PSD3: variants seen among roughly 807,000 people sequenced by gnomAD.
PSD3 encodes PH and SEC7 domain-containing protein 3.
PSD3 carries 49 observed loss-of-function variants against 105.5 expected under a neutral mutation model. That is an observed-to-expected ratio of 0.46 (90% CI 0.37 to 0.59). PSD3 has a LOEUF of 0.59. Ranked by LOEUF, PSD3 falls within the 20% of genes least tolerant of loss-of-function variation. The probability of loss-of-function intolerance (pLI) is 0.00; values close to 1 mark genes in which losing one functional copy is unlikely to be tolerated. For missense variants in PSD3, 1,561 were observed against 1,263.8 expected (o/e 1.24, Z -3.57); for synonymous variants, 557 against 457.8 (o/e 1.22, Z -2.77).
At chr8:18,548,152 T>G (rs1358702415) in intron 15 of PSD3, among the ~76,000 whole-genome samples, 1 of 152,132 alleles carries the variant, frequency 6.6e-6, no homozygotes, top group Non-Finnish European at 1.5e-5. Context: ...CAGAATTTGT[T>G]TGGGTTGTTA....
chr8:18,719,313 C>A (rs924557825), intron 9 of PSD3, among the ~76,000 whole-genome samples: 1 of 152,144 alleles, frequency 6.6e-6, no homozygotes, highest in Admixed American at 6.5e-5. Context: ...TTTTAAAAAT[C>A]TGAAACTGAG....
chr8:18,577,254 A>G (rs921603544), intron 12 of PSD3, among the ~76,000 whole-genome samples: 2 of 152,056 alleles, frequency 1.3e-5, no homozygotes, highest in African/African-American at 2.4e-5. Context: ...TTATTGGCTT[A>G]TGACCAGAGA....
chr8:18,864,058 G>A (rs1163170056), intron 4 of PSD3, among the ~76,000 whole-genome samples: 2 of 152,162 alleles, frequency 1.3e-5, no homozygotes, highest in African/African-American at 4.8e-5. Context: ...AATCTTTAAT[G>A]ACAAAGTAAA....
chr8:19,037,621 C>T (rs1461719265), intron 1 of PSD3, among the ~76,000 whole-genome samples: 1 of 152,096 alleles, frequency 6.6e-6, no homozygotes, highest in Non-Finnish European at 1.5e-5. Flanking sequence ...TTGGTGAGGG[C>T]CTGAAGAGAA....
Position 18,931,441 on chromosome 8 carries a change from T to C in PSD3, c.130+4593A>G, listed in dbSNP as rs1821742684. ...CAAGCACCTTAGTTATTCATACTTATGACCATAAATCATCATAAAGAGAAA... is the reference window on the plus strand; with the variant it reads ...CAAGCACCTTAGTTATTCATACTTACGACCATAAATCATCATAAAGAGAAA... On this transcript the variant is annotated intron_variant, in intron 2 of 15. Coordinates refer to ENST00000327040, the MANE Select transcript of PSD3 (RefSeq NM_015310.4). Among the ~76,000 whole-genome samples the C allele has an allele frequency of 2.6e-5, 4 of 152,236 alleles. No homozygotes were observed. The South Asian group carries it at 8.3e-4, about 32-fold the overall frequency.
At position 18,630,580 on chromosome 8, in the gene PSD3, C is replaced by G. The variant is rs2130759256; in HGVS notation, c.2410+2033G>C. On this transcript the variant is annotated intron_variant, in intron 11 of 15. Coordinates refer to ENST00000327040, the MANE Select transcript of PSD3 (RefSeq NM_015310.4). ...TGGGTTAACTGTGCTATATACCTGT[C>G]TAGCAGGAAGTAGTAAATACTCCGA... Among the ~76,000 whole-genome samples the G allele has an allele frequency of 1.3e-5, 2 of 151,904 alleles. 1 individual carries two copies.
At chr8:18,947,626 G>A (rs1315854986) in intron 1 of PSD3, among the ~76,000 whole-genome samples, 1 of 152,212 alleles carries the variant, frequency 6.6e-6, no homozygotes, top group Non-Finnish European at 1.5e-5. Flanking sequence ...ACATGTGAAG[G>A]CAGAGGAAAG....
At chr8:18,576,625 T>C (rs1030152145) in intron 12 of PSD3, among the ~76,000 whole-genome samples, 1 of 152,164 alleles carries the variant, frequency 6.6e-6, no homozygotes, top group African/African-American at 2.4e-5. Context: ...AGTAGGAATT[T>C]CAACTAGAGG....
chr8:18,790,401 C>G (rs1404127033), intron 8 of PSD3, among the ~76,000 whole-genome samples: 1 of 149,324 alleles, frequency 6.7e-6, no homozygotes, highest in Non-Finnish European at 1.5e-5. Context: ...TTCCAAGGTT[C>G]ATGCCATTCT....
chr8:18,700,464 G>T lies in PSD3; in HGVS notation c.2173-44779C>A, dbSNP rs567301275. Reference sequence around the variant, plus strand: ...TACTGCTGAAATAGTGTGAACACTCGTGAGAGGCTATCTCCCATGCTTAAA... The same window carrying T: ...TACTGCTGAAATAGTGTGAACACTCTTGAGAGGCTATCTCCCATGCTTAAA... On this transcript the variant is annotated intron_variant, in intron 9 of 15. Transcript: ENST00000327040. 2.0e-5 allele frequency among the ~76,000 whole-genome samples: 3 copies of T among 152,258 alleles called. No homozygotes were observed. The East Asian group carries it at 5.8e-4, about 29-fold the overall frequency.
intron 1 of PSD3, among the ~76,000 whole-genome samples, chr8:19,083,045 G>A (rs1445355464): frequency 4.6e-5 from 7 of 152,078 alleles, no homozygotes; most frequent in Non-Finnish European, 1.0e-4. Flanking sequence ...CCCCCTCTAA[G>A]CCCATGGGAG....
At chr8:18,909,875 C>T (rs1263083469) in intron 2 of PSD3, among the ~76,000 whole-genome samples, 1 of 152,196 alleles carries the variant, frequency 6.6e-6, no homozygotes, top group Non-Finnish European at 1.5e-5. Flanking sequence ...GTTTTTACTT[C>T]TATCGTATTC....
intron 8 of PSD3, among the ~76,000 whole-genome samples, chr8:18,781,485 C>G (rs1233465042): frequency 6.6e-6 from 1 of 152,138 alleles, no homozygotes; most frequent in African/African-American, 2.4e-5. Context: ...TTTCTTTGGC[C>G]TCTCATATTC....
intron 9 of PSD3, among the ~76,000 whole-genome samples, chr8:18,715,769 T>C (rs1465529919): frequency 6.6e-6 from 1 of 152,258 alleles, no homozygotes; most frequent in East Asian, 1.9e-4. Flanking sequence ...CCCATTGCAA[T>C]CTGCAATTTC....
At chr8:19,065,401 G>A (rs1035805928) in intron 1 of PSD3, among the ~76,000 whole-genome samples, 25 of 152,064 alleles carry the variant, frequency 1.6e-4, no homozygotes, top group Non-Finnish European at 2.5e-4. Context: ...TGGAGATAGC[G>A]TCAGATCCCA....
chr8:18,680,087 A>G (rs1026007860), intron 9 of PSD3, among the ~76,000 whole-genome samples: 2 of 152,256 alleles, frequency 1.3e-5, no homozygotes, highest in African/African-American at 4.8e-5. Flanking sequence ...AAGAGTGTTT[A>G]TCAACATGAA....
At chr8:19,078,140 C>T (rs1360466737) in intron 1 of PSD3, among the ~76,000 whole-genome samples, 1 of 152,106 alleles carries the variant, frequency 6.6e-6, no homozygotes, top group Non-Finnish European at 1.5e-5. Flanking sequence ...AACTGAGATT[C>T]CTTCCTCGGC....
chr8:18,654,184 C>T (rs1808721330), intron 10 of PSD3, among the ~76,000 whole-genome samples: 1 of 152,138 alleles, frequency 6.6e-6, no homozygotes. Context: ...TTTTGACTCC[C>T]TAACTTGCAA....
At chr8:18,611,505 A>G (rs1484111321) in intron 11 of PSD3, among the ~76,000 whole-genome samples, 2 of 152,320 alleles carry the variant, frequency 1.3e-5, no homozygotes, top group East Asian at 3.9e-4. Flanking sequence ...TGGACAAGTC[A>G]CTTAGCCAGT....
Sources: gnomAD v4.1 joint callset for allele counts (sites outside exome capture counted in the v4.1 genomes callset) on GRCh38, gnomAD v4.1.1 for gene constraint, MANE v1.5 for transcripts, NCBI Gene and HGNC (gene_info 2026-07-23, HGNC 2026-07-21) for gene names.